Variants in PTPRM observed in about 807,000 individuals in gnomAD.
PTPRM encodes receptor-type tyrosine-protein phosphatase mu.
In PTPRM, 47 loss-of-function variants were observed where a neutral mutation model predicts 186.7. The observed-to-expected ratio is 0.25, with a 90% confidence interval of 0.20 to 0.32. PTPRM has a LOEUF of 0.32. PTPRM is among the 10% of genes least tolerant of loss of function. The pLI is 1.00. For missense variants in PTPRM, 1,494 were observed against 1,865.0 expected (o/e 0.80, Z 3.66); for synonymous variants, 668 against 674.9 (o/e 0.99, Z 0.16).
intron 2 of PTPRM, among the ~76,000 whole-genome samples, chr18:7,809,442 C>A (rs2044395024): frequency 6.6e-6 from 1 of 152,022 alleles, no homozygotes; most frequent in African/African-American, 2.4e-5. Context: ...GCTGCTGGGA[C>A]CGCTCTTCTC....
At chr18:8,276,800 T>A (rs1463370069) in intron 19 of PTPRM, among the ~76,000 whole-genome samples, 2 of 152,204 alleles carry the variant, frequency 1.3e-5, no homozygotes, top group Admixed American at 1.3e-4. Flanking sequence ...TGTGAGACTT[T>A]GGGTCTGTGA....
intron 8 of PTPRM, among the ~76,000 whole-genome samples, chr18:8,070,565 A>C (rs1446627220): frequency 6.6e-6 from 1 of 152,122 alleles, no homozygotes; most frequent in Non-Finnish European, 1.5e-5. Flanking sequence ...TTTACAAATA[A>C]ACCATGCATG....
intron 5 of PTPRM, among the ~76,000 whole-genome samples, chr18:7,947,514 A>G (rs7239846): frequency 0.041 from 6,181 of 152,268 alleles, 409 homozygotes; most frequent in African/African-American, 0.14. Flanking sequence ...TAGCATTTTC[A>G]TAGCTATGAA....
chr18:8,133,871 T>C (rs1422657917), intron 13 of PTPRM, among the ~76,000 whole-genome samples: 1 of 152,148 alleles, frequency 6.6e-6, no homozygotes, highest in Non-Finnish European at 1.5e-5. Context: ...TCCATACGGC[T>C]GCACTATGTC....
intron 7 of PTPRM, among the ~76,000 whole-genome samples, chr18:8,028,492 G>A (rs2085722106): frequency 6.6e-6 from 1 of 152,140 alleles, no homozygotes; most frequent in Non-Finnish European, 1.5e-5. Flanking sequence ...TGTATTTAGA[G>A]ATAGCACCTT....
intron 1 of PTPRM, among the ~76,000 whole-genome samples, chr18:7,766,449 G>A (rs190067775): frequency 5.1e-4 from 77 of 152,312 alleles, no homozygotes; most frequent in African/African-American, 1.8e-3. Context: ...CTCTTTCATT[G>A]CTGAGATCCA....
intron 17 of PTPRM, among the ~76,000 whole-genome samples, chr18:8,249,267 T>TA (rs1261311536): frequency 1.3e-5 from 2 of 152,226 alleles, no homozygotes; most frequent in African/African-American, 2.4e-5. Context: ...TTTATTTTCC[T>TA]AATGGTGTTC....
chr18:7,872,651 G>A (rs577038174), intron 2 of PTPRM, among the ~76,000 whole-genome samples: 5 of 152,326 alleles, frequency 3.3e-5, no homozygotes, highest in African/African-American at 4.8e-5. Context: ...AGGAGTGAAT[G>A]TTGGAAGTGA....
chr18:8,117,185 A>G (rs537210599), intron 13 of PTPRM, among the ~76,000 whole-genome samples: 3 of 152,338 alleles, frequency 2.0e-5, no homozygotes, highest in African/African-American at 7.2e-5. Flanking sequence ...CATCTTGACT[A>G]CATAGTCAAA....
At chr18:8,191,345 C>T (rs367829060) in intron 14 of PTPRM, among the ~76,000 whole-genome samples, 16 of 152,216 alleles carry the variant, frequency 1.1e-4, no homozygotes, top group South Asian at 4.1e-4. Flanking sequence ...GAGTACTGCA[C>T]GGCTACAGAG....
intron 2 of PTPRM, among the ~76,000 whole-genome samples, chr18:7,821,015 G>A (rs2045160910): frequency 1.3e-5 from 2 of 152,276 alleles, no homozygotes; most frequent in South Asian, 2.1e-4. Flanking sequence ...GCCTTGTGGA[G>A]CTACTGATTA....
At chr18:8,013,173 A>C (rs1301390996) in intron 7 of PTPRM, among the ~76,000 whole-genome samples, 2 of 152,200 alleles carry the variant, frequency 1.3e-5, no homozygotes, top group African/African-American at 4.8e-5. Flanking sequence ...GTATGAAAAT[A>C]GTATTAAATA....
At chr18:8,266,839 C>T (rs369397276) in intron 19 of PTPRM, among the ~76,000 whole-genome samples, 10 of 151,854 alleles carry the variant, frequency 6.6e-5, no homozygotes, top group East Asian at 5.8e-4. Context: ...ACCCAGGAGG[C>T]GGAGGTTGCA....
chr18:8,264,760 G>T (rs998314352), intron 19 of PTPRM, among the ~76,000 whole-genome samples: 2 of 134,440 alleles, frequency 1.5e-5, no homozygotes, highest in African/African-American at 5.9e-5. Flanking sequence ...TGGTGACAGA[G>T]CAAGACTCCA....
chr18:7,779,192 A>G (rs1053388380), intron 2 of PTPRM, among the ~76,000 whole-genome samples: 14 of 152,222 alleles, frequency 9.2e-5, no homozygotes, highest in African/African-American at 3.1e-4. Flanking sequence ...TGTCCCCTTA[A>G]GTTTTCTTAC....
chr18:8,250,632 A>G (rs2094519534), intron 17 of PTPRM, among the ~76,000 whole-genome samples: 1 of 151,830 alleles, frequency 6.6e-6, no homozygotes, highest in African/African-American at 2.4e-5. Flanking sequence ...AATAATAATA[A>G]TAATAAATTA....
intron 22 of PTPRM, among the ~76,000 whole-genome samples, chr18:8,325,929 G>A (rs2095373037): frequency 6.6e-6 from 1 of 152,144 alleles, no homozygotes. Flanking sequence ...CTAACAATTG[G>A]TGATGTTGAG....
chr18:8,024,752 T>A lies in PTPRM; in HGVS notation c.1133-44934T>A, dbSNP rs1260195262. 2.0e-5 allele frequency among the ~76,000 whole-genome samples: 3 copies of A among 150,348 alleles called. No homozygotes were observed. In the East Asian group the frequency reaches 5.9e-4, roughly 29 times the overall value. Reference sequence around the variant, plus strand: ...AGGCTGGAGTACAATGGCATGATCTTGGCTCGGTGCAGCCTTGACTTCTGA... The same window carrying A: ...AGGCTGGAGTACAATGGCATGATCTAGGCTCGGTGCAGCCTTGACTTCTGA... On this transcript the variant is annotated intron_variant, in intron 7 of 32. Coordinates refer to ENST00000580170, the MANE Select transcript of PTPRM (RefSeq NM_001105244.2).
At chr18:7,902,834 C>CTGTTT in intron 3 of PTPRM, among the ~76,000 whole-genome samples, 1 of 130,070 alleles carries the variant, frequency 7.7e-6, no homozygotes, top group African/African-American at 2.8e-5. Flanking sequence ...TCTTCTCTGC[C>CTGTTT]TTTTTTTTTT....
Sources: allele counts gnomAD v4.1 joint callset (sites outside exome capture counted in the v4.1 genomes callset), GRCh38; gene constraint gnomAD v4.1.1; transcripts MANE v1.5; gene names NCBI Gene and HGNC (gene_info 2026-07-23, HGNC 2026-07-21).